GAREM1: variants seen among roughly 807,000 people sequenced by gnomAD.
GAREM1 encodes the protein GRB2-associated and regulator of MAPK protein 1.
In GAREM1, 26 loss-of-function variants were observed where a neutral mutation model predicts 71.3. The ratio of observed to expected loss-of-function variants is 0.36; its 90% CI spans 0.27 to 0.51. The LOEUF is 0.51. GAREM1 is among the 20% of genes least tolerant of loss of function. The probability of loss-of-function intolerance (pLI) is 0.95; values close to 1 mark genes in which losing one functional copy is unlikely to be tolerated. For missense variants in GAREM1, 1,026 were observed against 1,103.1 expected (o/e 0.93, Z 0.99); for synonymous variants, 440 against 433.2 (o/e 1.02, Z -0.20).
At chr18:32,319,701 T>C (rs894761530) in intron 2 of GAREM1, among the ~76,000 whole-genome samples, 1 of 152,206 alleles carries the variant, frequency 6.6e-6, no homozygotes, top group Non-Finnish European at 1.5e-5. Context: ...CAGATCTTCT[T>C]GCTGAAGCAG....
At chr18:32,413,358 A>T in intron 1 of GAREM1, 1 of 677,536 alleles carries the variant, frequency 1.5e-6, no homozygotes, top group South Asian at 1.9e-5. Context: ...AGAAACAAAG[A>T]CTCATACAAA....
At chr18:32,449,691 C>T (rs142105572) in intron 1 of GAREM1, among the ~76,000 whole-genome samples, 5 of 152,094 alleles carry the variant, frequency 3.3e-5, no homozygotes, top group East Asian at 3.9e-4. Flanking sequence ...GGGGCAGGCA[C>T]GGTAGAAGTT....
intron 2 of GAREM1, among the ~76,000 whole-genome samples, chr18:32,378,794 C>G (rs2048065704): frequency 6.6e-6 from 1 of 152,204 alleles, no homozygotes; most frequent in Non-Finnish European, 1.5e-5. Context: ...TGAGTCTCCT[C>G]AGCAGACTCA....
chr18:32,411,481 A>G (rs1350921208), intron 1 of GAREM1, among the ~76,000 whole-genome samples: 1 of 152,204 alleles, frequency 6.6e-6, no homozygotes, highest in Non-Finnish European at 1.5e-5. Flanking sequence ...TATATTCTTC[A>G]GAAAAATATT....
At chr18:32,375,909 A>G (rs1415910645) in intron 2 of GAREM1, among the ~76,000 whole-genome samples, 2 of 152,216 alleles carry the variant, frequency 1.3e-5, no homozygotes, top group Non-Finnish European at 2.9e-5. Flanking sequence ...CTCCACTGCT[A>G]TAATCACTGC....
In GAREM1 at chr18:32,268,617, G is replaced by A. The variant is rs1035972696; in HGVS notation, c.1885C>T (p.His629Tyr). The A allele has an allele frequency of 6.2e-7, 1 of 1,614,164 alleles. No individual in the cohort carries two copies. The highest frequency in any genetic ancestry group is 8.5e-7 in the Non-Finnish European group (1 of 1,180,018). The change falls in exon 6 of 6, where the codon CAT becomes TAT. Residue 629 changes from histidine to tyrosine, a missense_variant. Physicochemically the swap from His to Tyr is moderately conservative, Grantham distance 83. Coordinates refer to ENST00000269209, the MANE Select transcript of GAREM1 (RefSeq NM_001242409.2). ...TGGCTTTCTGATGCTCCTGAATAAT[G>A]GTTAGGCCATGAGAGCCGAGAGGAC... ...AVSSRLSWPN[H>Y]YSGASESQTR...
chr18:32,320,061 T>A (rs1253890630), intron 2 of GAREM1, among the ~76,000 whole-genome samples: 2 of 152,200 alleles, frequency 1.3e-5, no homozygotes, highest in African/African-American at 4.8e-5. Flanking sequence ...GGTAAATGCA[T>A]TTTTATTCTT....
At chr18:32,449,410 G>A (rs181830328) in intron 1 of GAREM1, among the ~76,000 whole-genome samples, 15 of 152,284 alleles carry the variant, frequency 9.9e-5, no homozygotes, top group African/African-American at 3.6e-4. Context: ...AGTTAGGCTG[G>A]GTGCGGGGGC....
intron 2 of GAREM1, among the ~76,000 whole-genome samples, chr18:32,382,968 T>C (rs183583445): frequency 1.2e-4 from 19 of 152,276 alleles, no homozygotes; most frequent in Non-Finnish European, 1.0e-4. Context: ...GAGAAACGTA[T>C]GGAATGTAGA....
At chr18:32,456,085 G>C (rs937431583) in intron 1 of GAREM1, among the ~76,000 whole-genome samples, 1 of 152,016 alleles carries the variant, frequency 6.6e-6, no homozygotes, top group Non-Finnish European at 1.5e-5. Context: ...AGGTGTCAGG[G>C]GGACCTTTCT....
Position 32,287,549 on chromosome 18 carries a change from A to G in GAREM1, c.1048T>C (p.Trp350Arg). ...TTGGGGCTCTTGCATTCTTCATTCC[A>G]GTCGGTTTTCACATCACGGACAGCC... is the stretch of plus-strand genomic sequence containing the variant. ...SRAVRDVKTD[W>R]NEECKSPKKG... The change falls in exon 4 of 6, where the codon TGG becomes CGG. Residue 350 changes from tryptophan to arginine, a missense_variant. Trp to Arg is a moderately radical substitution (Grantham distance 101, BLOSUM62 -3). Transcript: ENST00000269209. This position sits in a 1 kb window ranked among gnomAD's most constrained non-coding sequence, Gnocchi z 5.9. The G allele has an allele frequency of 6.2e-7, 1 of 1,614,172 alleles. No homozygotes were observed.
At chr18:32,405,654 T>C (rs181651666) in intron 1 of GAREM1, among the ~76,000 whole-genome samples, 1 of 152,344 alleles carries the variant, frequency 6.6e-6, no homozygotes, top group East Asian at 1.9e-4. Context: ...CAATGATGTA[T>C]GAACAGAAAT....
intron 1 of GAREM1, among the ~76,000 whole-genome samples, chr18:32,410,795 T>C (rs1409202237): frequency 6.6e-6 from 1 of 152,108 alleles, no homozygotes; most frequent in African/African-American, 2.4e-5. Flanking sequence ...CAAATACGAC[T>C]TCGGTTTTTT....
intron 2 of GAREM1, among the ~76,000 whole-genome samples, chr18:32,364,031 T>A (rs1199821859): frequency 8.6e-5 from 7 of 81,188 alleles, no homozygotes; most frequent in African/African-American, 2.2e-4. Flanking sequence ...TATATATGTT[T>A]TTTTTTTTTT....
chr18:32,466,624 G>A (rs1446378013), intron 1 of GAREM1, among the ~76,000 whole-genome samples: 1 of 152,142 alleles, frequency 6.6e-6, no homozygotes, highest in Non-Finnish European at 1.5e-5. Context: ...ATGAAATGAG[G>A]AGGAGAGAGA....
chr18:32,423,794 G>A (rs779838883), intron 1 of GAREM1, among the ~76,000 whole-genome samples: 59 of 152,152 alleles, frequency 3.9e-4, no homozygotes, highest in Non-Finnish European at 7.2e-4. Flanking sequence ...CAACACACAA[G>A]TTAATTATTT....
chr18:32,353,524 G>C (rs2047774178), intron 2 of GAREM1, among the ~76,000 whole-genome samples: 1 of 152,158 alleles, frequency 6.6e-6, no homozygotes, highest in Non-Finnish European at 1.5e-5. Context: ...CTAAAGTATT[G>C]AATTTCTTGC....
intron 3 of GAREM1, among the ~76,000 whole-genome samples, chr18:32,292,791 A>C (rs1051587949): frequency 4.6e-5 from 7 of 152,202 alleles, no homozygotes; most frequent in African/African-American, 7.2e-5. Context: ...AATCTTGAAC[A>C]GTTCTTTATA....
chr18:32,369,959 C>T (rs1248004547), intron 2 of GAREM1, among the ~76,000 whole-genome samples: 1 of 152,162 alleles, frequency 6.6e-6, no homozygotes, highest in African/African-American at 2.4e-5. Context: ...ACAAGGTGAC[C>T]CTTCACTTAG....
Sources: allele counts gnomAD v4.1 joint callset (sites outside exome capture counted in the v4.1 genomes callset), GRCh38; gene constraint gnomAD v4.1.1; non-coding constraint Gnocchi (gnomAD v3.1); transcripts MANE v1.5; gene names NCBI Gene and HGNC (gene_info 2026-07-23, HGNC 2026-07-21).